RALGAPA2: variants seen among roughly 807,000 people sequenced by gnomAD.
RALGAPA2 encodes the protein Ral GTPase activating protein catalytic subunit alpha 2.
In RALGAPA2, 139 loss-of-function variants were observed where a neutral mutation model predicts 230.4. That is an observed-to-expected ratio of 0.60 (90% CI 0.53 to 0.69). The LOEUF is 0.69. Among genes scored for constraint, RALGAPA2 ranks in the 30% least tolerant of loss-of-function variants. RALGAPA2 has a pLI of 0.00. For missense variants in RALGAPA2, 2,163 were observed against 2,276.0 expected, an observed-to-expected ratio of 0.95 and a Z score of 1.01; for synonymous variants, 847 against 837.8, an observed-to-expected ratio of 1.01 and a Z score of -0.19.
At chr20:20,540,558 C>T (rs1170760934) in intron 24 of RALGAPA2, among the ~76,000 whole-genome samples, 1 of 152,072 alleles carries the variant, frequency 6.6e-6, no homozygotes, top group African/African-American at 2.4e-5. Context: ...GTATTTCATC[C>T]TTTCTGAATT....
intron 2 of RALGAPA2, among the ~76,000 whole-genome samples, chr20:20,679,056 C>CT (rs2068434514): frequency 6.6e-6 from 1 of 152,182 alleles, no homozygotes; most frequent in Non-Finnish European, 1.5e-5. Context: ...CCATCACTCT[C>CT]TTTCTCTGTA....
chr20:20,440,270 G>A (rs563141664), intron 37 of RALGAPA2, among the ~76,000 whole-genome samples: 2 of 152,220 alleles, frequency 1.3e-5, no homozygotes, highest in East Asian at 3.9e-4. Context: ...ATGGAATTCG[G>A]GCCAAAATAA....
chr20:20,680,925 CAA>C (rs1358261258), intron 1 of RALGAPA2, 124 bp from the exon 2 acceptor site: 39 of 1,425,736 alleles, frequency 2.7e-5, no homozygotes, highest in Non-Finnish European at 3.6e-5. Context: ...CAATACAAAA[CAA>C]AACAGTATTC....
chr20:20,647,459 T>G (rs1358598652), intron 4 of RALGAPA2, among the ~76,000 whole-genome samples: 1 of 152,114 alleles, frequency 6.6e-6, no homozygotes, highest in Non-Finnish European at 1.5e-5. Context: ...CTAAAAAATT[T>G]GAAATTAACA....
chr20:20,565,504 T>G (rs982117001), intron 23 of RALGAPA2, among the ~76,000 whole-genome samples: 1 of 152,204 alleles, frequency 6.6e-6, no homozygotes, highest in Non-Finnish European at 1.5e-5. Context: ...GGGATCTTTT[T>G]ACAAACGACT....
chr20:20,536,759 A>G lies in RALGAPA2; in HGVS notation c.3311T>C (p.Val1104Ala), dbSNP rs996457213. 3 of 1,612,776 alleles carry G rather than the reference A, an allele frequency of 1.9e-6. No homozygotes were observed. The highest frequency in any genetic ancestry group is 1.7e-5 in the Admixed American group (1 of 59,992). Reference protein sequence around the residue: ...LTAPRSEAVTVLGSLVCFPNT... With the variant: ...LTAPRSEAVTALGSLVCFPNT... ...TGGAAAGCAGACCAGAGAGCCGAGG[A>G]CAGTGACAGCCTCTGAACGAGGCGC... Residue 1104 changes from valine to alanine, a missense_variant, in exon 25 of 40, where the codon GTC (valine) becomes GCC (alanine). Coordinates refer to ENST00000202677, the MANE Select transcript of RALGAPA2 (RefSeq NM_020343.4).
intron 10 of RALGAPA2, among the ~76,000 whole-genome samples, chr20:20,626,751 G>A (rs2066499847): frequency 6.6e-6 from 1 of 152,198 alleles, no homozygotes; most frequent in Non-Finnish European, 1.5e-5. Flanking sequence ...ATCAGAGTCA[G>A]CAAACCATCC....
chr20:20,472,827 AC>A lies in RALGAPA2; in HGVS notation c.5495+1del. On this transcript the variant is annotated splice_donor_variant, in intron 37 of 39. Coordinates refer to ENST00000202677, the MANE Select transcript of RALGAPA2 (RefSeq NM_020343.4). LOFTEE classifies it high-confidence loss of function. ...AGTTACACATTTAAAGCAAAAAGAT[AC>A]AAGCTCTGGTAGAGTGGGATGAGGC... is the stretch of plus-strand genomic sequence containing the variant. The A allele has an allele frequency of 6.2e-7, 1 of 1,608,706 alleles. No homozygotes were observed. Among genetic ancestry groups the A allele is most frequent in the Non-Finnish European group, 8.5e-7 (1 of 1,178,486 alleles).
At chr20:20,697,719 A>G (rs1174591671) in intron 1 of RALGAPA2, among the ~76,000 whole-genome samples, 1 of 152,208 alleles carries the variant, frequency 6.6e-6, no homozygotes, top group African/African-American at 2.4e-5. Context: ...CTGCCAGGAC[A>G]TGTCAGGCTG....
chr20:20,458,840 CTATATATATATAGACCTA>C (rs1569418180), intron 37 of RALGAPA2, among the ~76,000 whole-genome samples: 6 of 38,972 alleles, frequency 1.5e-4, no homozygotes, highest in East Asian at 1.5e-3. Flanking sequence ...ATATATAGAC[CTATATATATATAGACCTA>C]TATATATATA....
At chr20:20,705,924 C>T (rs1219370311) in intron 1 of RALGAPA2, among the ~76,000 whole-genome samples, 1 of 152,152 alleles carries the variant, frequency 6.6e-6, no homozygotes, top group Non-Finnish European at 1.5e-5. Context: ...ACCTCGGCCT[C>T]CCAAAGTGTT....
At chr20:20,538,462 G>C (rs1259103165) in intron 24 of RALGAPA2, among the ~76,000 whole-genome samples, 1 of 152,190 alleles carries the variant, frequency 6.6e-6, no homozygotes, top group Non-Finnish European at 1.5e-5. Context: ...TAGGGCCACA[G>C]GGACTGTGAA....
chr20:20,621,596 CAA>C (rs1471158303), intron 10 of RALGAPA2, among the ~76,000 whole-genome samples: 5 of 151,600 alleles, frequency 3.3e-5, no homozygotes, highest in Admixed American at 6.6e-5. Context: ...GTTCAGCTAT[CAA>C]TGTTAACAAG....
chr20:20,395,026 G>A (rs1268399893), intron 39 of RALGAPA2, among the ~76,000 whole-genome samples: 2 of 152,226 alleles, frequency 1.3e-5, no homozygotes, highest in Non-Finnish European at 2.9e-5. Context: ...ACCCAGGGAG[G>A]ATAAAGAGGG....
chr20:20,564,385 A>G (rs906042415), intron 23 of RALGAPA2, among the ~76,000 whole-genome samples: 1 of 152,210 alleles, frequency 6.6e-6, no homozygotes, highest in Non-Finnish European at 1.5e-5. Flanking sequence ...CAACTTAGCT[A>G]AAAGGATATT....
intron 24 of RALGAPA2, among the ~76,000 whole-genome samples, chr20:20,545,127 A>T (rs776680213): frequency 6.6e-6 from 1 of 152,224 alleles, no homozygotes; most frequent in African/African-American, 2.4e-5. Context: ...ATTCTTTGAG[A>T]TTATCCTAAA....
At chr20:20,604,080 T>C (rs2065744714) in intron 15 of RALGAPA2, among the ~76,000 whole-genome samples, 1 of 152,170 alleles carries the variant, frequency 6.6e-6, no homozygotes, top group South Asian at 2.1e-4. Context: ...CTTTTCCATC[T>C]CCCCAGCAAG....
chr20:20,558,053 G>A (rs188285462), intron 23 of RALGAPA2, among the ~76,000 whole-genome samples: 42 of 152,124 alleles, frequency 2.8e-4, no homozygotes, highest in Admixed American at 2.4e-3. Context: ...TGCCCAGGCT[G>A]GAGTGCAGTG....
At chr20:20,566,246 A>G (rs1044854109) in intron 23 of RALGAPA2, among the ~76,000 whole-genome samples, 2 of 152,176 alleles carry the variant, frequency 1.3e-5, no homozygotes, top group Non-Finnish European at 2.9e-5. Context: ...TGGGACATGC[A>G]GTGTTCAGCT....
Sources: allele counts gnomAD v4.1 joint callset (sites outside exome capture counted in the v4.1 genomes callset), GRCh38; gene constraint gnomAD v4.1.1; transcripts MANE v1.5; gene names NCBI Gene and HGNC (gene_info 2026-07-23, HGNC 2026-07-21).